SGO2: variants seen among roughly 807,000 people sequenced by gnomAD.
SGO2 encodes shugoshin-like 2.
SGO2 carries 68 observed loss-of-function variants against 99.5 expected under a neutral mutation model. That is an observed-to-expected ratio of 0.68 (90% confidence interval 0.56 to 0.84). The LOEUF (loss-of-function observed/expected upper bound fraction) is 0.84. SGO2 is among the 40% of genes least tolerant of loss of function. The pLI is 0.00. For synonymous variants in SGO2, 457 were observed against 487.1 expected (o/e 0.94, Z 0.81); for missense variants, 1,350 against 1,436.7 (o/e 0.94, Z 0.97).
chr2:200,541,620 C>CATTA, intron 4 of SGO2, among the ~76,000 whole-genome samples: 1 of 152,150 alleles, frequency 6.6e-6, no homozygotes, highest in Middle Eastern at 3.2e-3. Context: ...TGGCTACACC[C>CATTA]AACTGACTAT....
At chr2:200,549,589 A>G (rs992602195) in intron 5 of SGO2, among the ~76,000 whole-genome samples, 12 of 152,336 alleles carry the variant, frequency 7.9e-5, no homozygotes, top group African/African-American at 2.6e-4. Flanking sequence ...GGTTTTAAGG[A>G]TGGCTCAGCA....
At chr2:200,549,713 T>G (rs750157794) in intron 5 of SGO2, among the ~76,000 whole-genome samples, 10 of 152,078 alleles carry the variant, frequency 6.6e-5, no homozygotes, top group Admixed American at 2.0e-4. Context: ...CCCTTTTTGA[T>G]AAAAACACTT....
Position 200,536,106 on chromosome 2 carries a change from C to T in SGO2, c.351C>T (p.Asn117=). The T allele has an allele frequency of 6.3e-7, 1 of 1,595,200 alleles. No individual in the cohort carries two copies. Among genetic ancestry groups the T allele is most frequent in the East Asian group, 2.2e-5 (1 of 44,476 alleles). ...ACATAGAAGCTCTCATGAACAATAA[C>T]TTGATAACTGCAATTGAAATGAGCA... The part of the protein sequence containing the change: ...LIDIEALMNN[N]LITAIEMSSL... Residue 117 remains asparagine, a synonymous_variant, in exon 4 of 9, where the codon AAC becomes AAT. Coordinates refer to ENST00000357799, the MANE Select transcript of SGO2 (RefSeq NM_152524.6).
chr2:200,560,514 T>G (rs940216565), intron 5 of SGO2, among the ~76,000 whole-genome samples: 1 of 152,132 alleles, frequency 6.6e-6, no homozygotes, highest in Non-Finnish European at 1.5e-5. Context: ...CAAATGATTT[T>G]TTTGCATTTC....
chr2:200,558,826 G>T (rs2032826819), intron 5 of SGO2, among the ~76,000 whole-genome samples: 2 of 149,392 alleles, frequency 1.3e-5, no homozygotes, highest in Admixed American at 1.3e-4. Context: ...TTTTGAGGTG[G>T]AGTTTCACTC....
Position 200,571,348 on chromosome 2 carries a change from T to C in SGO2, c.1002T>C (p.Ser334=). 3 of 1,612,822 alleles carry C rather than the reference T, an allele frequency of 1.9e-6. No homozygotes were observed. Among genetic ancestry groups the C allele is most frequent in the African/African-American group, 1.3e-5 (1 of 75,036 alleles). Residue 334 remains serine, a synonymous_variant, in exon 7 of 9, where the codon TCT becomes TCC. Transcript: ENST00000357799. ...AACAGGATCTTCCTGGCTTATCTTC[T>C]GAGTCTGCCAGAGAACCTAATGCAG... ...RNKQDLPGLS[S]ESAREPNAEC... is the part of the protein sequence containing the mutation.
intron 5 of SGO2, among the ~76,000 whole-genome samples, chr2:200,568,758 C>G (rs955651607): frequency 6.6e-6 from 1 of 152,150 alleles, no homozygotes; most frequent in South Asian, 2.1e-4. Flanking sequence ...GTTGGCACCC[C>G]CTTCGCTAGC....
In SGO2 at chr2:200,571,714, G is replaced by T; in HGVS notation, c.1368G>T (p.Gln456His). Reference sequence around the variant, plus strand: ...CCGGTTTTATTTTCAATAATGAACAGCTGGCTCAGATGAATGAACAGCTGG... The same window carrying T: ...CCGGTTTTATTTTCAATAATGAACATCTGGCTCAGATGAATGAACAGCTGG... ...EDPGFIFNNE[Q>H]LAQMNEQLAQ... Residue 456 changes from glutamine to histidine, a missense_variant, in exon 7 of 9, where the codon CAG becomes CAT. Transcript: ENST00000357799. 1.9e-6 allele frequency: 3 copies of T among 1,613,508 alleles called. No individual in the cohort carries two copies. In the South Asian group the frequency reaches 3.3e-5, roughly 18 times the overall value.
chr2:200,571,081 G>C lies in SGO2; in HGVS notation c.735G>C (p.Lys245Asn), dbSNP rs369214226. Reference protein sequence around the residue: ...ESHSHSDQSSKTSLMSEMRNA... With the variant: ...ESHSHSDQSSNTSLMSEMRNA... ...ATTCCCACTCAGACCAAAGTTCTAA[G>C]ACTTCTCTAATGAGTGAGATGAGAA... Residue 245 changes from lysine to asparagine, a missense_variant, in exon 7 of 9, where the codon AAG (lysine) becomes AAC (asparagine). By Grantham distance (94) the Lys-to-Asn change is moderately conservative. Transcript: ENST00000357799. 3.1e-6 allele frequency: 5 copies of C among 1,601,030 alleles called. No individual in the cohort carries two copies. Among genetic ancestry groups the C allele is most frequent in the Admixed American group, 1.8e-5 (1 of 56,978 alleles).
At chr2:200,559,046 A>G (rs1574861498) in intron 5 of SGO2, among the ~76,000 whole-genome samples, 1 of 152,078 alleles carries the variant, frequency 6.6e-6, no homozygotes, top group Non-Finnish European at 1.5e-5. Context: ...CAGGTGATCC[A>G]CCTGCCTCGG....
intron 5 of SGO2, among the ~76,000 whole-genome samples, chr2:200,552,790 C>T (rs1211177417): frequency 6.6e-6 from 1 of 152,128 alleles, no homozygotes; most frequent in Non-Finnish European, 1.5e-5. Context: ...TCAGCAAGGT[C>T]TTTGTGACCT....
intron 5 of SGO2, among the ~76,000 whole-genome samples, chr2:200,562,519 A>C (rs1389746220): frequency 6.6e-6 from 1 of 152,204 alleles, no homozygotes; most frequent in Non-Finnish European, 1.5e-5. Context: ...CTTTTGGCTT[A>C]GGATTGTCTT....
Position 200,573,984 on chromosome 2 carries a change from T to A in SGO2, c.3631+7T>A, listed in dbSNP as rs374373891. ...ACCCAAAAATCAGGAATAGGTAGGT[T>A]AATAACCATTATGAAATGATAAAGT... is the stretch of plus-strand genomic sequence containing the variant. On this transcript the variant is annotated splice_region_variant and intron_variant, in intron 7 of 8. Coordinates refer to ENST00000357799, the MANE Select transcript of SGO2 (RefSeq NM_152524.6). 7.8e-6 allele frequency: 12 copies of A among 1,538,208 alleles called. No individual in the cohort carries two copies. The South Asian group carries it at 1.5e-4, about 20-fold the overall frequency.
intron 5 of SGO2, among the ~76,000 whole-genome samples, chr2:200,558,280 T>G (rs958639697): frequency 6.6e-6 from 1 of 152,232 alleles, no homozygotes; most frequent in African/African-American, 2.4e-5. Context: ...TTTTTGTAGA[T>G]TCTCTTAATC....
intron 2 of SGO2, among the ~76,000 whole-genome samples, chr2:200,534,770 C>T (rs2031606815): frequency 6.6e-6 from 1 of 152,152 alleles, no homozygotes; most frequent in African/African-American, 2.4e-5. Flanking sequence ...TATACATATT[C>T]TGCATTCCTC....
At position 200,566,853 on chromosome 2, in the gene SGO2, G is replaced by A. The variant is rs373844384; in HGVS notation, c.474-2810G>A. Among the ~76,000 whole-genome samples the A allele has an allele frequency of 1.4e-4, 21 of 152,294 alleles. No homozygotes were observed. In the East Asian group the frequency reaches 2.3e-3, roughly 17 times the overall value. ...CTAGCAAGAGCGAGGCTCCGTGGGC[G>A]TGGGACCCTCTGAGCCAGGCGCCGG... On this transcript the variant is annotated intron_variant, in intron 5 of 8. Coordinates refer to ENST00000357799, the MANE Select transcript of SGO2 (RefSeq NM_152524.6).
intron 5 of SGO2, among the ~76,000 whole-genome samples, chr2:200,566,145 G>A (rs1340328284): frequency 1.3e-5 from 2 of 152,146 alleles, no homozygotes; most frequent in East Asian, 3.9e-4. Flanking sequence ...GGGAAGAGGT[G>A]CTCTAATTTT....
intron 8 of SGO2, chr2:200,580,616 G>A: frequency 3.4e-6 from 1 of 294,774 alleles, no homozygotes; most frequent in South Asian, 2.8e-5. Context: ...AGGATCACTT[G>A]AGCCCAAGAG....
chr2:200,558,595 T>C (rs557742523), intron 5 of SGO2, among the ~76,000 whole-genome samples: 18 of 152,148 alleles, frequency 1.2e-4, no homozygotes, highest in Non-Finnish European at 7.3e-5. Context: ...CATTGTATGT[T>C]GATGAAAATG....
Sources: gnomAD v4.1 joint callset for allele counts (sites outside exome capture counted in the v4.1 genomes callset) on GRCh38, gnomAD v4.1.1 for gene constraint, MANE v1.5 for transcripts, NCBI Gene and HGNC (gene_info 2026-07-23, HGNC 2026-07-21) for gene names.